FGD4: variants seen among roughly 807,000 people sequenced by gnomAD.
The protein encoded by FGD4 is FYVE, RhoGEF and PH domain-containing protein 4.
Under a neutral mutation model 102.0 loss-of-function variants are expected in FGD4, and 42 were observed. The ratio of observed to expected loss-of-function variants is 0.41; its 90% CI spans 0.32 to 0.53. The LOEUF (loss-of-function observed/expected upper bound fraction) is 0.53, where lower values mean the gene tolerates loss of function less well. Ranked by LOEUF, FGD4 falls within the 20% of genes least tolerant of loss-of-function variation. FGD4 has a pLI of 0.21. For missense variants in FGD4, 902 were observed against 1,078.2 expected (o/e 0.84, Z 2.29); for synonymous variants, 380 against 375.7 (o/e 1.01, Z -0.13).
At position 32,640,860 on chromosome 12, in the gene FGD4, T is replaced by C. The variant is rs1403021300; in HGVS notation, c.*327T>C. 5.4e-6 allele frequency: 3 copies of C among 553,868 alleles called. No individual in the cohort carries two copies. Among genetic ancestry groups the C allele is most frequent in the South Asian group, 2.2e-5 (1 of 45,694 alleles). 34.3% of individuals were successfully genotyped at this position (553,868 alleles called of 1,614,324 possible). A position where few individuals can be genotyped will look rare whatever the true frequency, so the allele number is the denominator to read the frequency against. On this transcript the variant is annotated 3_prime_UTR_variant, in exon 17 of 17. Coordinates refer to ENST00000534526, the MANE Select transcript of FGD4 (RefSeq NM_001370298.3). ...TGAGCACTTCCATTTAAGAAATCCT[T>C]TCATGTCTTCTTCTCTTTCACATGT...
In FGD4 at chr12:32,506,414, G is replaced by A. The variant is rs901042749; in HGVS notation, c.167-57723G>A. ...ATATGTGAAGTAAAATGATCAGAGT[G>A]CTGCCTAGTCACTGTGGATCCCAAA... On this transcript the variant is annotated intron_variant, in intron 1 of 16. Transcript: ENST00000534526. This position sits in a 1 kb window ranked among gnomAD's most constrained non-coding sequence, Gnocchi z 4.5. Among the ~76,000 whole-genome samples, 2 of 152,134 alleles carry A rather than the reference G, an allele frequency of 1.3e-5. No individual in the cohort carries two copies. Among genetic ancestry groups the A allele is most frequent in the African/African-American group, 4.8e-5 (2 of 41,424 alleles).
At chr12:32,415,863 A>G (rs570684576) in intron 1 of FGD4, among the ~76,000 whole-genome samples, 15 of 152,326 alleles carry the variant, frequency 9.8e-5, no homozygotes, top group African/African-American at 3.6e-4. Context: ...TGATATAAGT[A>G]TAGCTACTCC....
intron 1 of FGD4, among the ~76,000 whole-genome samples, chr12:32,442,532 A>G (rs1387276970): frequency 6.9e-6 from 1 of 144,114 alleles, no homozygotes; most frequent in African/African-American, 2.6e-5. Context: ...CTATTCTGCC[A>G]TCTTGCTCTG....
Position 32,608,001 on chromosome 12 carries a change from A to G in FGD4, c.1449A>G (p.Leu483=), listed in dbSNP as rs1165111165. 1 of 1,614,258 alleles carries G rather than the reference A, an allele frequency of 6.2e-7. No homozygotes were observed. Among genetic ancestry groups the G allele is most frequent in the Non-Finnish European group, 8.5e-7 (1 of 1,180,036 alleles). The change falls in exon 8 of 17, where the codon CTA becomes CTG. Residue 483 remains leucine (L), a synonymous_variant. Coordinates refer to ENST00000534526, the MANE Select transcript of FGD4 (RefSeq NM_001370298.3). ...GCTTAACTTTGCAGCATCACATGCT[A>G]GAACCTGTTCAGCGGATTCCCCGGT... ...CGSLTLQHHM[L]EPVQRIPRYE... is the part of the protein sequence containing the mutation.
intron 1 of FGD4, among the ~76,000 whole-genome samples, chr12:32,497,328 A>G (rs1405741263): frequency 6.6e-6 from 1 of 152,228 alleles, no homozygotes; most frequent in Non-Finnish European, 1.5e-5. Flanking sequence ...GTACCCTGCA[A>G]ATACATTTTT....
intron 15 of FGD4, among the ~76,000 whole-genome samples, chr12:32,636,865 T>C (rs1329933403): frequency 2.0e-5 from 3 of 149,550 alleles, no homozygotes; most frequent in African/African-American, 7.5e-5. Context: ...TTTTTCAGTA[T>C]TTTTTTTCTT....
intron 1 of FGD4, among the ~76,000 whole-genome samples, chr12:32,542,291 T>A (rs1358848660): frequency 6.6e-6 from 1 of 152,244 alleles, no homozygotes; most frequent in East Asian, 1.9e-4. Flanking sequence ...CTGCTAGATT[T>A]CAGATTTAGA....
At chr12:32,417,195 A>G (rs919631031) in intron 1 of FGD4, among the ~76,000 whole-genome samples, 1 of 152,056 alleles carries the variant, frequency 6.6e-6, no homozygotes, top group Non-Finnish European at 1.5e-5. Context: ...CGCCTGGCCT[A>G]ACGTCCTTTT....
chr12:32,517,177 C>CAGTAA (rs1226406796), intron 1 of FGD4, among the ~76,000 whole-genome samples: 1 of 152,166 alleles, frequency 6.6e-6, no homozygotes, highest in African/African-American at 2.4e-5. Context: ...TAATTGTTCT[C>CAGTAA]TGTTTTAAAT....
intron 1 of FGD4, among the ~76,000 whole-genome samples, chr12:32,536,985 G>A (rs1450923153): frequency 2.0e-5 from 3 of 149,962 alleles, no homozygotes; most frequent in East Asian, 2.0e-4. Flanking sequence ...GTGCAGTGGC[G>A]CTAAGCTCCA....
At chr12:32,433,530 T>G (rs1457309492) in intron 1 of FGD4, among the ~76,000 whole-genome samples, 3 of 151,790 alleles carry the variant, frequency 2.0e-5, no homozygotes, top group Non-Finnish European at 2.9e-5. Flanking sequence ...AGAGACGGGG[T>G]TTCACCATGT....
chr12:32,588,084 G>A (rs1947191973), intron 4 of FGD4, among the ~76,000 whole-genome samples: 1 of 152,210 alleles, frequency 6.6e-6, no homozygotes, highest in Admixed American at 6.5e-5. Context: ...GAACCACAGG[G>A]ATGGAGGGGA....
intron 1 of FGD4, among the ~76,000 whole-genome samples, chr12:32,425,477 C>CT (rs1028485199): frequency 4.2e-4 from 64 of 152,168 alleles, no homozygotes; most frequent in African/African-American, 1.5e-3. Flanking sequence ...TTACTGTAGC[C>CT]TTGCAGTACA....
intron 15 of FGD4, among the ~76,000 whole-genome samples, chr12:32,634,381 T>C (rs189361719): frequency 1.4e-4 from 21 of 152,302 alleles, no homozygotes; most frequent in African/African-American, 5.1e-4. Flanking sequence ...TAGTAAAATA[T>C]CTAGTTTACT....
chr12:32,526,795 A>T (rs910523295), intron 1 of FGD4, among the ~76,000 whole-genome samples: 29 of 152,168 alleles, frequency 1.9e-4, no homozygotes, highest in African/African-American at 6.8e-4. Flanking sequence ...GCCCACTGGG[A>T]GGAACGAACA....
intron 1 of FGD4, among the ~76,000 whole-genome samples, chr12:32,427,423 T>C (rs1261449070): frequency 6.6e-6 from 1 of 152,238 alleles, no homozygotes; most frequent in East Asian, 1.9e-4. Flanking sequence ...CGCTGTAGTC[T>C]GAAAGACTAT....
rs557259959 is a variant in FGD4, at chr12:32,496,832, T to C, written c.167-67305T>C. The stretch of plus-strand genomic sequence containing the variant: ...GTGTGGAAGGCAGGGCCTAGGTGCT[T>C]GTGTAATTTCCTCCCACCTTTGTTT... On this transcript the variant is annotated intron_variant, in intron 1 of 16. Coordinates refer to ENST00000534526, the MANE Select transcript of FGD4 (RefSeq NM_001370298.3). Among the ~76,000 whole-genome samples the C allele has an allele frequency of 3.0e-4, 45 of 152,264 alleles. 1 individual carries two copies. In the South Asian group the frequency reaches 4.6e-3, roughly 15 times the overall value.
At position 32,633,693 on chromosome 12, in the gene FGD4, AG is replaced by A. The variant is rs754475397; in HGVS notation, c.2313+5del. On this transcript the variant is annotated splice_donor_5th_base_variant and intron_variant, in intron 15 of 16. Transcript: ENST00000534526. ...GAAAAGAAAAGGAATTTTAGAGGTA[AG>A]AAATATTAAATATTGGATATCTTTT... 6.3e-7 allele frequency: 1 copy of A among 1,586,264 alleles called. No individual in the cohort carries two copies. Among genetic ancestry groups the A allele is most frequent in the Admixed American group, 1.7e-5 (1 of 59,936 alleles).
chr12:32,464,451 C>A (rs1280529306), intron 1 of FGD4, among the ~76,000 whole-genome samples: 1 of 152,128 alleles, frequency 6.6e-6, no homozygotes, highest in Non-Finnish European at 1.5e-5. Context: ...TTGCGCCCGG[C>A]CTAGTCATGT....
Sources: gnomAD v4.1 joint callset for allele counts (sites outside exome capture counted in the v4.1 genomes callset) on GRCh38, gnomAD v4.1.1 for gene constraint, Gnocchi (gnomAD v3.1) non-coding constraint, MANE v1.5 for transcripts, NCBI Gene and HGNC (gene_info 2026-07-23, HGNC 2026-07-21) for gene names.